Variants in RHOT1 observed in about 807,000 individuals in gnomAD.
The protein encoded by RHOT1 is mitochondrial Rho GTPase 1.
Under a neutral mutation model 95.3 loss-of-function variants are expected in RHOT1, and 27 were observed. That is an observed-to-expected ratio of 0.28 (90% CI 0.21 to 0.39). The LOEUF (loss-of-function observed/expected upper bound fraction) is 0.39. Ranked by LOEUF, RHOT1 falls within the 10% of genes least tolerant of loss-of-function variation. The pLI is 1.00. For missense variants in RHOT1, 578 were observed against 786.7 expected (o/e 0.73, Z 3.17); for synonymous variants, 227 against 263.5 (o/e 0.86, Z 1.34).
At chr17:32,208,584 T>C (rs969409489) in intron 18 of RHOT1, 7 of 297,162 alleles carry the variant, frequency 2.4e-5, no homozygotes, top group African/African-American at 1.3e-4. Context: ...CCACCCAGCA[T>C]TAAAAAATAG....
intron 1 of RHOT1, among the ~76,000 whole-genome samples, chr17:32,155,549 A>G (rs1276935286): frequency 6.8e-6 from 1 of 146,236 alleles, no homozygotes; most frequent in Admixed American, 6.9e-5. Context: ...AACACATTTC[A>G]AAAAATTTTT....
rs2142980888 is a variant in RHOT1 at position 32,225,521 on chromosome 17, A to C, written c.*788A>C. 6.5e-6 allele frequency: 1 copy of C among 152,750 alleles called. No individual in the cohort carries two copies. Among genetic ancestry groups the C allele is most frequent in the South Asian group, 2.1e-4 (1 of 4,826 alleles). 9.5% of individuals were successfully genotyped at this position (152,750 alleles called of 1,614,324 possible). On this transcript the variant is annotated 3_prime_UTR_variant, in exon 20 of 20. Transcript: ENST00000545287. The stretch of plus-strand genomic sequence containing the variant: ...CTGTTGAATTTCATCCCAAGTGTAA[A>C]TCATTCTATAATGGCTGTGTCTGTT...
intron 19 of RHOT1, among the ~76,000 whole-genome samples, chr17:32,220,098 G>T (rs748111937): frequency 7.2e-5 from 11 of 152,244 alleles, no homozygotes; most frequent in Admixed American, 3.9e-4. Context: ...GAGATAGCCA[G>T]GTTGGGCATG....
Position 32,173,268 on chromosome 17 carries a change from G to A in RHOT1, c.97-563G>A, listed in dbSNP as rs191838117. Among the ~76,000 whole-genome samples, 101 of 152,308 alleles carry A rather than the reference G, an allele frequency of 6.6e-4. 3 individuals carry two copies. In the East Asian group the frequency reaches 0.018, roughly 27 times the overall value. ...TTATCCAAAATGCTTGGGACCAGAAGTGTTTCAGATTTCAGATTTGTTCAG... is the reference window on the plus strand; with the variant it reads ...TTATCCAAAATGCTTGGGACCAGAAATGTTTCAGATTTCAGATTTGTTCAG... On this transcript the variant is annotated intron_variant, in intron 2 of 19. Transcript: ENST00000545287.
intron 1 of RHOT1, among the ~76,000 whole-genome samples, chr17:32,156,520 C>T (rs2032981688): frequency 6.6e-6 from 1 of 152,252 alleles, no homozygotes; most frequent in African/African-American, 2.4e-5. Context: ...ATCCCCTCAC[C>T]TCAGCCTCCC....
rs148288330 is a variant in RHOT1, at chr17:32,151,265, T to G, written c.37+8536T>G. 13 of 693,334 alleles carry G rather than the reference T, an allele frequency of 1.9e-5. No individual in the cohort carries two copies. The East Asian group carries it at 4.1e-4, about 22-fold the overall frequency. The allele number at this position is 693,334 out of a possible 1,614,324, so 42.9% of individuals were successfully genotyped here. ...CTGTTGGCGGGTGAATGAAGTACAT[T>G]CTTGATGCCTTCTCCATATTGCTGT... is the stretch of plus-strand genomic sequence containing the variant. On this transcript the variant is annotated intron_variant, in intron 1 of 19. Transcript: ENST00000545287.
chr17:32,167,065 A>G lies in RHOT1; in HGVS notation c.38-3978A>G, dbSNP rs992376537. On this transcript the variant is annotated intron_variant, in intron 1 of 19. Transcript: ENST00000545287. ...ATAATAAGGCTTGAAAGTTATAATT[A>G]CTCCTTGAACCATGGACTGCAGACT... Among the ~76,000 whole-genome samples the G allele has an allele frequency of 2.0e-5, 3 of 152,008 alleles. 1 individual carries two copies. Among genetic ancestry groups the G allele is most frequent in the South Asian group, 4.2e-4 (2 of 4,814 alleles).
chr17:32,214,728 A>G lies in RHOT1; in HGVS notation c.1862+3490A>G, dbSNP rs562619772. On this transcript the variant is annotated intron_variant, in intron 19 of 19. Transcript: ENST00000545287. ...CATATCCTAATGTTAGGCACAAAAA[A>G]GATTGATTGACTAAGTAAAAGTCAT... Among the ~76,000 whole-genome samples the G allele has an allele frequency of 9.3e-5, 14 of 150,790 alleles. No individual in the cohort carries two copies. The East Asian group carries it at 1.4e-3, about 15-fold the overall frequency.
intron 1 of RHOT1, among the ~76,000 whole-genome samples, chr17:32,167,473 C>CCCG (rs1176403831): frequency 6.6e-6 from 1 of 152,082 alleles, no homozygotes; most frequent in African/African-American, 2.4e-5. Context: ...ACTACAGGCA[C>CCCG]CCACCACAAT....
intron 19 of RHOT1, among the ~76,000 whole-genome samples, chr17:32,219,939 GA>G (rs1164265151): frequency 6.6e-6 from 1 of 151,812 alleles, no homozygotes; most frequent in African/African-American, 2.4e-5. Flanking sequence ...CACTAGGTTA[GA>G]AAAAAAACCT....
chr17:32,188,096 C>G (rs566080922), intron 8 of RHOT1, among the ~76,000 whole-genome samples: 6 of 152,298 alleles, frequency 3.9e-5, no homozygotes, highest in African/African-American at 1.4e-4. Flanking sequence ...GCTGAGTGCA[C>G]TACTAATTGC....
intron 16 of RHOT1, among the ~76,000 whole-genome samples, chr17:32,205,633 A>C (rs1316272440): frequency 1.3e-5 from 2 of 152,246 alleles, no homozygotes; most frequent in Non-Finnish European, 2.9e-5. Context: ...GACACTATGA[A>C]ATACAGTAGA....
chr17:32,203,297 G>A lies in RHOT1; in HGVS notation c.1332+397G>A, dbSNP rs1446883212. The stretch of plus-strand genomic sequence containing the variant: ...TTTTTTTTTTTTTTTTTTTTTTGAG[G>A]CGAGGCATTGCTCTGTTGCCCAGGC... On this transcript the variant is annotated intron_variant, in intron 15 of 19. Transcript: ENST00000545287. Among the ~76,000 whole-genome samples the A allele has an allele frequency of 3.6e-5, 4 of 111,418 alleles. 1 individual carries two copies. Among genetic ancestry groups the A allele is most frequent in the African/African-American group, 1.9e-4 (4 of 20,864 alleles). 73.1% of individuals were successfully genotyped at this position (111,418 alleles called of 152,430 possible).
At chr17:32,221,718 G>A (rs2038847828) in intron 19 of RHOT1, among the ~76,000 whole-genome samples, 1 of 152,182 alleles carries the variant, frequency 6.6e-6, no homozygotes, top group South Asian at 2.1e-4. Context: ...GTTACCTTAA[G>A]TTTTAAACTA....
chr17:32,156,781 C>G (rs561940635), intron 1 of RHOT1, among the ~76,000 whole-genome samples: 2 of 152,252 alleles, frequency 1.3e-5, no homozygotes, highest in Non-Finnish European at 2.9e-5. Context: ...AAAGCCGGTT[C>G]CTGAATCCAG....
chr17:32,171,791 C>T (rs151122616), intron 2 of RHOT1, among the ~76,000 whole-genome samples: 147 of 152,298 alleles, frequency 9.7e-4, no homozygotes, highest in African/African-American at 3.0e-3. Flanking sequence ...TTAATATGAT[C>T]TACCTGCTTC....
chr17:32,160,446 A>G (rs996912921), intron 1 of RHOT1: 1 of 152,394 alleles, frequency 6.6e-6, no homozygotes, highest in African/African-American at 2.4e-5. Context: ...TGGTGGGGCT[A>G]AAAGAGCTGT....
At chr17:32,180,781 A>G (rs1017610403) in intron 6 of RHOT1, among the ~76,000 whole-genome samples, 42 of 151,682 alleles carry the variant, frequency 2.8e-4, no homozygotes, top group African/African-American at 9.5e-4. Context: ...GAATTAAACA[A>G]TTTTGGCTTT....
chr17:32,175,421 G>A, intron 4 of RHOT1, 59 bp downstream of exon 4: 2 of 1,421,218 alleles, frequency 1.4e-6, no homozygotes, highest in Non-Finnish European at 9.9e-7. Flanking sequence ...ATGATTTTAT[G>A]AGCCTGCCTT....
Sources: allele counts gnomAD v4.1 joint callset (sites outside exome capture counted in the v4.1 genomes callset), GRCh38; gene constraint gnomAD v4.1.1; transcripts MANE v1.5; gene names NCBI Gene and HGNC (gene_info 2026-07-23, HGNC 2026-07-21).